The following EYS variants were observed in gnomAD, a reference collection of about 807,000 sequenced individuals.
EYS encodes the protein protein eyes shut homolog.
EYS carries 250 observed loss-of-function variants against 282.1 expected under a neutral mutation model. That is an observed-to-expected ratio of 0.89 (90% CI 0.80 to 0.98). The LOEUF (loss-of-function observed/expected upper bound fraction) is 0.98. EYS is among the 50% of genes least tolerant of loss of function. The probability of loss-of-function intolerance (pLI) is 0.00; values close to 1 mark genes in which losing one functional copy is unlikely to be tolerated. For synonymous variants in EYS, 1,355 were observed against 1,282.9 expected (o/e 1.06, Z -1.20); for missense variants, 4,016 against 3,709.0 (o/e 1.08, Z -2.15).
At chr6:63,875,122 T>G (rs1458897280) in intron 35 of EYS, among the ~76,000 whole-genome samples, 2 of 152,156 alleles carry the variant, frequency 1.3e-5, no homozygotes, top group African/African-American at 4.8e-5. Context: ...CATAAATAGC[T>G]CTTATTATTT....
intron 22 of EYS, among the ~76,000 whole-genome samples, chr6:64,636,565 G>T (rs944741179): frequency 2.4e-4 from 36 of 152,062 alleles, no homozygotes; most frequent in Non-Finnish European, 1.6e-4. Context: ...AAAAGCAATG[G>T]CAACAAAAGC....
At chr6:65,114,525 C>CAGT (rs1206470510) in intron 12 of EYS, among the ~76,000 whole-genome samples, 1 of 151,450 alleles carries the variant, frequency 6.6e-6, no homozygotes, top group African/African-American at 2.4e-5. Context: ...TGAGAAAATA[C>CAGT]AGTAGTATTT....
intron 33 of EYS, among the ~76,000 whole-genome samples, chr6:64,052,348 A>G (rs1356005490): frequency 6.6e-6 from 1 of 152,180 alleles, no homozygotes; most frequent in Non-Finnish European, 1.5e-5. Flanking sequence ...TCAAATAATA[A>G]TTAGTAATCT....
intron 26 of EYS, among the ~76,000 whole-genome samples, chr6:64,473,466 A>G (rs146400028): frequency 4.5e-4 from 69 of 152,342 alleles, no homozygotes; most frequent in African/African-American, 1.6e-3. Context: ...CTTAAAGACT[A>G]ATGAATGAAA....
intron 31 of EYS, among the ~76,000 whole-genome samples, chr6:64,198,164 AT>A (rs35484359): frequency 0.31 from 43,135 of 138,592 alleles, 6,365 homozygotes; most frequent in East Asian, 0.5. Flanking sequence ...GGCCCGGCTA[AT>A]TTTTTTTTTT....
chr6:65,196,575 G>A (rs1200505436), intron 12 of EYS, among the ~76,000 whole-genome samples: 1 of 152,034 alleles, frequency 6.6e-6, no homozygotes. Flanking sequence ...TGGGACTACA[G>A]CAGTGAAGAA....
At chr6:63,946,859 G>T (rs1008733701) in intron 35 of EYS, among the ~76,000 whole-genome samples, 2 of 151,532 alleles carry the variant, frequency 1.3e-5, no homozygotes, top group African/African-American at 2.4e-5. Context: ...GTGATGAAAA[G>T]ATAGATGCTT....
intron 22 of EYS, among the ~76,000 whole-genome samples, chr6:64,766,503 G>A (rs1309085196): frequency 6.8e-6 from 1 of 146,986 alleles, no homozygotes; most frequent in Non-Finnish European, 1.5e-5. Flanking sequence ...ATGGTTGTGG[G>A]CGCCTATAAT....
At chr6:64,707,276 T>C (rs1297782447) in intron 22 of EYS, among the ~76,000 whole-genome samples, 1 of 152,120 alleles carries the variant, frequency 6.6e-6, no homozygotes, top group African/African-American at 2.4e-5. Flanking sequence ...TTTTCACTCA[T>C]AAGTGGGAGC....
At chr6:64,755,057 G>A (rs182190133) in intron 22 of EYS, among the ~76,000 whole-genome samples, 16 of 152,128 alleles carry the variant, frequency 1.1e-4, no homozygotes, top group East Asian at 1.9e-4. Flanking sequence ...GATTACTCCC[G>A]AAGACTCCTA....
intron 26 of EYS, among the ~76,000 whole-genome samples, chr6:64,516,503 T>C (rs1675452983): frequency 6.6e-6 from 1 of 151,822 alleles, no homozygotes. Context: ...CAAAATTGAT[T>C]GAGCTGTCTA....
chr6:64,672,219 C>T (rs1769487298), intron 22 of EYS, among the ~76,000 whole-genome samples: 1 of 152,170 alleles, frequency 6.6e-6, no homozygotes, highest in South Asian at 2.1e-4. Context: ...GGCCTCTGCC[C>T]TTTTCTCAAA....
At chr6:65,689,258 G>T (rs1482435432) in intron 1 of EYS, among the ~76,000 whole-genome samples, 4 of 149,830 alleles carry the variant, frequency 2.7e-5, no homozygotes, top group Non-Finnish European at 5.9e-5. Context: ...ATCATTCTCA[G>T]CAAACTATCG....
At chr6:63,973,201 A>T (rs552069023) in intron 35 of EYS, among the ~76,000 whole-genome samples, 2 of 152,182 alleles carry the variant, frequency 1.3e-5, no homozygotes, top group South Asian at 4.1e-4. Flanking sequence ...ATTTCTCCAC[A>T]TCCTCTCCAG....
At chr6:65,632,199 A>G (rs1190601520) in intron 2 of EYS, among the ~76,000 whole-genome samples, 1 of 152,184 alleles carries the variant, frequency 6.6e-6, no homozygotes, top group East Asian at 1.9e-4. Context: ...GCCTGTTACA[A>G]TGCTGAATGC....
chr6:65,357,415 G>T (rs1490415791), intron 8 of EYS, among the ~76,000 whole-genome samples: 6 of 151,876 alleles, frequency 4.0e-5, no homozygotes, highest in Admixed American at 1.3e-4. Context: ...TAAGCTTCAA[G>T]TGATGCAATC....
chr6:64,675,483 A>G (rs1769624852), intron 22 of EYS, among the ~76,000 whole-genome samples: 2 of 123,428 alleles, frequency 1.6e-5, no homozygotes, highest in Admixed American at 1.1e-4. Flanking sequence ...GCTGGAGTGC[A>G]GTGGTGCAAT....
intron 26 of EYS, among the ~76,000 whole-genome samples, chr6:64,479,599 T>C (rs1195549967): frequency 2.0e-5 from 3 of 151,942 alleles, no homozygotes; most frequent in Non-Finnish European, 4.4e-5. Flanking sequence ...GGCCACTTTT[T>C]TTGTTCCTGA....
At chr6:64,341,290 A>G (rs1307982169) in intron 29 of EYS, among the ~76,000 whole-genome samples, 1 of 151,800 alleles carries the variant, frequency 6.6e-6, no homozygotes, top group Non-Finnish European at 1.5e-5. Context: ...CATTAAATCA[A>G]TATGAGTGCC....
Sources: gnomAD v4.1 joint callset for allele counts (sites outside exome capture counted in the v4.1 genomes callset) on GRCh38, gnomAD v4.1.1 for gene constraint, MANE v1.5 for transcripts, NCBI Gene and HGNC (gene_info 2026-07-23, HGNC 2026-07-21) for gene names.